Variants in RNF212 observed in about 807,000 individuals in gnomAD.
RNF212 encodes ring finger protein 212, also known as probable E3 SUMO-protein ligase RNF212.
Under a neutral mutation model 34.7 loss-of-function variants are expected in RNF212, and 33 were observed. The ratio of observed to expected loss-of-function variants is 0.95; its 90% CI spans 0.72 to 1.27. The LOEUF (loss-of-function observed/expected upper bound fraction) is 1.27. Among genes scored for constraint, RNF212 ranks in the 50% most tolerant of loss-of-function variants. The pLI is 0.00. For synonymous variants in RNF212, 140 were observed against 136.1 expected (o/e 1.03, Z -0.20); for missense variants, 377 against 362.2 (o/e 1.04, Z -0.33).
chr4:1,112,496 G>C (rs944893266), intron 1 of RNF212, among the ~76,000 whole-genome samples: 3 of 151,360 alleles, frequency 2.0e-5, no homozygotes, highest in Admixed American at 1.3e-4. Context: ...TTCACAGAAA[G>C]AAAAACGCCT....
chr4:1,104,568 C>T (rs1269566151), intron 2 of RNF212, among the ~76,000 whole-genome samples: 4 of 152,126 alleles, frequency 2.6e-5, no homozygotes, highest in African/African-American at 9.7e-5. Flanking sequence ...ATGAGTACAG[C>T]CAGGTGCCCA....
At chr4:1,088,160 A>G (rs2153049237) in intron 4 of RNF212, among the ~76,000 whole-genome samples, 1 of 152,296 alleles carries the variant, frequency 6.6e-6, no homozygotes, top group African/African-American at 2.4e-5. Context: ...CTTCCTAGAG[A>G]GTTGTTGAAT....
At chr4:1,111,447 C>T (rs376558361) in intron 1 of RNF212, among the ~76,000 whole-genome samples, 1 of 152,332 alleles carries the variant, frequency 6.6e-6, no homozygotes, top group East Asian at 1.9e-4. Flanking sequence ...AGGGGCCCTG[C>T]ACCCCACCCT....
chr4:1,074,089 T>C (rs1718878278), intron 8 of RNF212, among the ~76,000 whole-genome samples: 1 of 152,194 alleles, frequency 6.6e-6, no homozygotes, highest in Non-Finnish European at 1.5e-5. Flanking sequence ...CTGTGTGTGC[T>C]GGGCCCTGCT....
downstream of RNF212, among the ~76,000 whole-genome samples, chr4:1,070,450 A>G (rs59945268): frequency 1.8e-5 from 2 of 113,126 alleles, no homozygotes; most frequent in African/African-American, 7.4e-5. Context: ...GGCCTGAGTT[A>G]CGGGTGGTTT....
chr4:1,056,882 C>CCG, intron 4 of RNF212: 2 of 985,516 alleles, frequency 2.0e-6, no homozygotes, highest in South Asian at 9.4e-5. Context: ...GATGGGCGGC[C>CCG]GGGGGGGCAG....
In RNF212 at chr4:1,073,899, C is replaced by T. The variant is rs574908728; in HGVS notation, c.511-237G>A. ...TACCTGTTTGATTCCCTCTGTTCCA[C>T]CAGGGCCTAAAACAGTGAACGGATA... is the stretch of plus-strand genomic sequence containing the variant. On this transcript the variant is annotated intron_variant, in intron 8 of 9. Coordinates refer to ENST00000433731, the MANE Select transcript of RNF212 (RefSeq NM_001131034.4). 58 of 539,416 alleles carry T rather than the reference C, an allele frequency of 1.1e-4. No individual in the cohort carries two copies. The East Asian group carries it at 1.6e-3, about 15-fold the overall frequency. 33.4% of individuals were successfully genotyped at this position (539,416 alleles called of 1,614,324 possible). A position where few individuals can be genotyped will look rare whatever the true frequency, so the allele number is the denominator to read the frequency against.
intron 8 of RNF212, among the ~76,000 whole-genome samples, chr4:1,074,309 C>T (rs774773612): frequency 7.2e-5 from 11 of 152,208 alleles, no homozygotes; most frequent in Admixed American, 1.3e-4. Context: ...TTCCTGGGCT[C>T]GCTCCTCTGG....
At chr4:1,105,018 C>T (rs1724593776) in intron 2 of RNF212, among the ~76,000 whole-genome samples, 1 of 152,130 alleles carries the variant, frequency 6.6e-6, no homozygotes, top group South Asian at 2.1e-4. Context: ...TGTCTCCAGG[C>T]CCTGGTTCTG....
chr4:1,081,895 C>A, intron 5 of RNF212: 2 of 427,266 alleles, frequency 4.7e-6, no homozygotes, highest in Non-Finnish European at 8.6e-6. Context: ...ATGGCCACTG[C>A]GGGTGTTAAA....
intron 8 of RNF212, among the ~76,000 whole-genome samples, chr4:1,076,240 G>C (rs1368280447): frequency 6.6e-6 from 1 of 152,140 alleles, no homozygotes; most frequent in Non-Finnish European, 1.5e-5. Context: ...CTCCTCCCCA[G>C]TGCCAGCAGC....
intron 5 of RNF212, chr4:1,081,898 G>A (rs1260803558): frequency 7.4e-6 from 3 of 406,654 alleles, no homozygotes; most frequent in African/African-American, 2.0e-5. Flanking sequence ...GCCACTGCGG[G>A]TGTTAAAGGT....
chr4:1,061,251 C>T (rs1005673072), intron 3 of RNF212, among the ~76,000 whole-genome samples: 1 of 152,308 alleles, frequency 6.6e-6, no homozygotes, highest in Admixed American at 6.5e-5. Flanking sequence ...AGCAAGAGCA[C>T]AGCTGCACCA....
At chr4:1,094,167 C>A (rs947403889) in intron 3 of RNF212, among the ~76,000 whole-genome samples, 17 of 152,144 alleles carry the variant, frequency 1.1e-4, no homozygotes, top group Non-Finnish European at 1.5e-4. Flanking sequence ...ATCCTGGCTG[C>A]CCCCACTAGG....
intron 3 of RNF212, among the ~76,000 whole-genome samples, chr4:1,063,237 T>A (rs1417283894): frequency 2.0e-5 from 3 of 152,048 alleles, no homozygotes; most frequent in Non-Finnish European, 4.4e-5. Flanking sequence ...TGCAAGGAAC[T>A]CAAAATATGC....
chr4:1,104,805 G>A (rs569488193), intron 2 of RNF212, among the ~76,000 whole-genome samples: 2 of 152,294 alleles, frequency 1.3e-5, no homozygotes, highest in South Asian at 2.1e-4. Context: ...GACAATGAAC[G>A]TGTCTGCATC....
intron 3 of RNF212, chr4:1,093,236 G>A: frequency 4.9e-6 from 2 of 409,952 alleles, no homozygotes; most frequent in African/African-American, 2.1e-5. Flanking sequence ...AAAAGTTACT[G>A]AGGGCCCCAG....
At chr4:1,073,863 T>TATTACCTG (rs142496855) in intron 8 of RNF212, 1 of 589,298 alleles carries the variant, frequency 1.7e-6, no homozygotes, top group Non-Finnish European at 3.1e-6. Flanking sequence ...TGTGGGTGGG[T>TATTACCTG]ATTACCTGAT....
At chr4:1,111,523 A>T (rs771166078) in intron 1 of RNF212, among the ~76,000 whole-genome samples, 1 of 152,098 alleles carries the variant, frequency 6.6e-6, no homozygotes, top group Non-Finnish European at 1.5e-5. Flanking sequence ...CTAGCAGTGA[A>T]ACCCTGTCCA....
Sources: gnomAD v4.1 joint callset for allele counts (sites outside exome capture counted in the v4.1 genomes callset) on GRCh38, gnomAD v4.1.1 for gene constraint, MANE v1.5 for transcripts, NCBI Gene and HGNC (gene_info 2026-07-23, HGNC 2026-07-21) for gene names.